Variants in ACP6 observed in about 807,000 individuals in gnomAD.
ACP6 encodes the protein lysophosphatidic acid phosphatase type 6.
Under a neutral mutation model 48.1 loss-of-function variants are expected in ACP6, and 48 were observed. The observed-to-expected ratio is 1.00, with a 90% confidence interval of 0.79 to 1.27. The LOEUF is 1.27. Among genes scored for constraint, ACP6 ranks in the 50% most tolerant of loss-of-function variants. The pLI is 0.00. For synonymous variants in ACP6, 172 were observed against 204.2 expected (o/e 0.84, Z 1.34); for missense variants, 485 against 529.1 (o/e 0.92, Z 0.82).
chr1:147,670,369 T>C lies in ACP6; in HGVS notation c.-321A>G, dbSNP rs1661039564. On this transcript the variant is annotated 5_prime_UTR_variant, in exon 1 of 10. The change creates a new upstream start codon in the 5' untranslated region. Transcript: ENST00000583509. ...TGCCCGACGAGGAACATTAAACTTGTATTTCAAGTTTGGCCTCCAGCACTC... is the reference window on the plus strand; with the variant it reads ...TGCCCGACGAGGAACATTAAACTTGCATTTCAAGTTTGGCCTCCAGCACTC... The C allele has an allele frequency of 1.3e-5, 3 of 238,456 alleles. No individual in the cohort carries two copies. The highest frequency in any genetic ancestry group is 2.4e-5 in the Non-Finnish European group (3 of 123,174). The allele number at this position is 238,456 out of a possible 1,614,324, so 14.8% of individuals were successfully genotyped here.
chr1:147,631,942 C>T (rs1381618637), intron 5 of ACP6, among the ~76,000 whole-genome samples: 2 of 152,136 alleles, frequency 1.3e-5, no homozygotes, highest in South Asian at 2.1e-4. Flanking sequence ...CAGGCCCCAG[C>T]GCCTCTCCAG....
At position 147,670,254 on chromosome 1, in the gene ACP6, G is replaced by A. The variant is rs782364514; in HGVS notation, c.-206C>T. 32 of 532,080 alleles carry A rather than the reference G, an allele frequency of 6.0e-5. No individual in the cohort carries two copies. The highest frequency in any genetic ancestry group is 1.0e-4 in the Non-Finnish European group (31 of 299,738). The allele number at this position is 532,080 out of a possible 1,614,324, so 33.0% of individuals were successfully genotyped here. Reference sequence around the variant, plus strand: ...ACGGGGGAGAGAACAAGAGGTGGCAGCAGCGAAGAGTCCCTGGGAGTTTTA... The same window carrying A: ...ACGGGGGAGAGAACAAGAGGTGGCAACAGCGAAGAGTCCCTGGGAGTTTTA... On this transcript the variant is annotated 5_prime_UTR_variant, in exon 1 of 10. Transcript: ENST00000583509.
At position 147,646,845 on chromosome 1, in the gene ACP6, C is replaced by T. The variant is rs1225576618; in HGVS notation, c.*578G>A. 1 of 152,578 alleles carries T rather than the reference C, an allele frequency of 6.6e-6. No homozygotes were observed. Among genetic ancestry groups the T allele is most frequent in the African/African-American group, 2.4e-5 (1 of 41,420 alleles). 9.5% of individuals were successfully genotyped at this position (152,578 alleles called of 1,614,324 possible). A position where few individuals can be genotyped will look rare whatever the true frequency, so the allele number is the denominator to read the frequency against. Reference sequence around the variant, plus strand: ...CCTTGCTTTCCTGGTTAACTCCTACCCACCTTTCTCTACTCAGATCAGGCC... The same window carrying T: ...CCTTGCTTTCCTGGTTAACTCCTACTCACCTTTCTCTACTCAGATCAGGCC... On this transcript the variant is annotated 3_prime_UTR_variant, in exon 10 of 10. Coordinates refer to ENST00000583509, the MANE Select transcript of ACP6 (RefSeq NM_016361.5).
chr1:147,659,079 T>A, intron 3 of ACP6, 40 bp from the exon 4 acceptor site: 2 of 1,537,198 alleles, frequency 1.3e-6, no homozygotes. Flanking sequence ...ATAAAAGGAA[T>A]ATTTAATTAT....
chr1:147,630,027 G>T (rs1264086202), exon 6 of ACP6: 6 of 152,176 alleles, frequency 3.9e-5, no homozygotes, highest in Non-Finnish European at 7.3e-5. Flanking sequence ...CATAGTTAAA[G>T]CATGGGAAAA....
intron 5 of ACP6, among the ~76,000 whole-genome samples, chr1:147,632,138 G>GC (rs1194231548): frequency 6.6e-6 from 1 of 150,926 alleles, no homozygotes; most frequent in Admixed American, 6.6e-5. Flanking sequence ...CAGCTTATTT[G>GC]TCATCTCCTC....
intron 7 of ACP6, 122 bp from the exon 8 acceptor site, chr1:147,650,360 T>A (rs906125526): frequency 2.5e-5 from 16 of 629,014 alleles, no homozygotes; most frequent in Non-Finnish European, 3.4e-5. Flanking sequence ...AAGTAATGCA[T>A]AAGGGCCAGC....
chr1:147,656,611 C>A (rs1252676076), intron 4 of ACP6, among the ~76,000 whole-genome samples: 4 of 152,194 alleles, frequency 2.6e-5, no homozygotes, highest in African/African-American at 9.6e-5. Flanking sequence ...CTAATTCCAC[C>A]ATTTACCAGT....
At chr1:147,659,232 G>A (rs1470630474) in intron 3 of ACP6, 164 bp downstream of exon 3, 33 of 1,131,034 alleles carry the variant, frequency 2.9e-5, no homozygotes, top group Non-Finnish European at 3.7e-5. Context: ...CGACCTCCAG[G>A]AACGACCTGT....
intron 8 of ACP6, 77 bp from the exon 9 acceptor site, chr1:147,648,488 T>A: frequency 6.6e-7 from 1 of 1,526,056 alleles, no homozygotes; most frequent in Non-Finnish European, 8.9e-7. Context: ...CTCCTTTACG[T>A]AAGACACACT....
chr1:147,665,543 C>T (rs992565794), intron 1 of ACP6, among the ~76,000 whole-genome samples: 27 of 152,204 alleles, frequency 1.8e-4, no homozygotes, highest in Admixed American at 1.1e-3. Context: ...TTTGGAGACA[C>T]CTCCTTTGTG....
At chr1:147,661,633 G>A (rs371989935) in intron 1 of ACP6, among the ~76,000 whole-genome samples, 3 of 152,122 alleles carry the variant, frequency 2.0e-5, no homozygotes, top group African/African-American at 7.2e-5. Flanking sequence ...TAAATCCAAA[G>A]CTAGAAATGA....
chr1:147,647,837 G>A (rs1429897876), intron 9 of ACP6: 8 of 539,072 alleles, frequency 1.5e-5, no homozygotes, highest in African/African-American at 7.6e-5. Context: ...TCCCTGGGGC[G>A]TGCTCTGGCC....
chr1:147,631,006 A>G (rs1211023512), exon 6 of ACP6: 1 of 152,190 alleles, frequency 6.6e-6, no homozygotes, highest in South Asian at 2.1e-4. Flanking sequence ...TTCCTTGTCA[A>G]TGAGGCTGGA....
chr1:147,669,837 T>C lies in ACP6; in HGVS notation c.212A>G (p.Glu71Gly), dbSNP rs1660998114. ...ARSPLKPLPL[E>G]EQVEWNPQLL... ...CCCGGGCCGACCTCTCACCTGCTCC[T>C]CCAGCGGGAGCGGCTTGAGAGGACT... The change falls in exon 1 of 10, where the codon GAG becomes GGG. Residue 71 changes from glutamate (E) to glycine (G), a missense_variant. By Grantham distance (98) the Glu-to-Gly change is moderately conservative. Transcript: ENST00000583509. The C allele has an allele frequency of 1.3e-6, 2 of 1,590,458 alleles. No individual in the cohort carries two copies. Among genetic ancestry groups the C allele is most frequent in the Non-Finnish European group, 1.7e-6 (2 of 1,166,966 alleles).
Position 147,670,108 on chromosome 1 carries a change from G to A in ACP6, c.-60C>T, listed in dbSNP as rs1236437967. ...TGCAGGAGGCAAACACAAGTCTTCT[G>A]CGGGCGCCGGGGCTCAGCGGGCGCC... On this transcript the variant is annotated 5_prime_UTR_variant, in exon 1 of 10. Transcript: ENST00000583509. 2.8e-6 allele frequency: 4 copies of A among 1,416,872 alleles called. No homozygotes were observed. Among genetic ancestry groups the A allele is most frequent in the Non-Finnish European group, 3.7e-6 (4 of 1,077,784 alleles). The allele number at this position is 1,416,872 out of a possible 1,614,324, so 87.8% of individuals were successfully genotyped here.
chr1:147,657,899 G>A (rs1660338813), intron 4 of ACP6, among the ~76,000 whole-genome samples: 2 of 152,216 alleles, frequency 1.3e-5, no homozygotes, highest in South Asian at 4.1e-4. Context: ...CCCAGTCTGG[G>A]ACCTGCCTAA....
At chr1:147,659,290 C>A in intron 3 of ACP6, 106 bp downstream of exon 3, 2 of 1,487,116 alleles carry the variant, frequency 1.3e-6, no homozygotes, top group Non-Finnish European at 9.1e-7. Flanking sequence ...AAGTTGTCCC[C>A]CAAACTACCT....
intron 1 of ACP6, among the ~76,000 whole-genome samples, chr1:147,664,146 G>A (rs1261096831): frequency 1.3e-5 from 2 of 152,028 alleles, no homozygotes; most frequent in Non-Finnish European, 2.9e-5. Context: ...ACCTCCTTCT[G>A]ACACATCAGA....
Sources: allele counts gnomAD v4.1 joint callset (sites outside exome capture counted in the v4.1 genomes callset), GRCh38; gene constraint gnomAD v4.1.1; transcripts MANE v1.5; gene names NCBI Gene and HGNC (gene_info 2026-07-23, HGNC 2026-07-21).